The following ACBD3 variants were observed in gnomAD, a reference collection of about 807,000 sequenced individuals.
ACBD3 encodes Golgi resident protein GCP60.
ACBD3 carries 30 observed loss-of-function variants against 66.9 expected under a neutral mutation model. The ratio of observed to expected loss-of-function variants is 0.45; its 90% CI spans 0.34 to 0.61. ACBD3 has a LOEUF of 0.61. Ranked by LOEUF, ACBD3 falls within the 20% of genes least tolerant of loss-of-function variation. The probability of loss-of-function intolerance (pLI) is 0.02; values close to 1 mark genes in which losing one functional copy is unlikely to be tolerated. For synonymous variants in ACBD3, 278 were observed against 259.8 expected (o/e 1.07, Z -0.68); for missense variants, 544 against 664.5 (o/e 0.82, Z 1.99).
Position 226,186,707 on chromosome 1 carries a change from G to A in ACBD3, c.-32C>T, listed in dbSNP as rs1235926332. 6.9e-7 allele frequency: 1 copy of A among 1,453,090 alleles called. No individual in the cohort carries two copies. Among genetic ancestry groups the A allele is most frequent in the South Asian group, 1.3e-5 (1 of 74,774 alleles). 90.0% of individuals were successfully genotyped at this position (1,453,090 alleles called of 1,614,324 possible). On this transcript the variant is annotated 5_prime_UTR_variant, in exon 1 of 8. Transcript: ENST00000366812. Reference sequence around the variant, plus strand: ...CTGCTGCACCTCCTCAGCGGGGACAGACGGCAGCCACGTATCGACTTCCTG... The same window carrying A: ...CTGCTGCACCTCCTCAGCGGGGACAAACGGCAGCCACGTATCGACTTCCTG...
rs1170130229 is a variant in ACBD3, at chr1:226,149,529, C to CTTTTTTTTTTTTTTTTTTTTT, written c.1376-2729_1376-2709dup. Among the ~76,000 whole-genome samples, 6 of 29,612 alleles carry CTTTTTTTTTTTTTTTTTTTTT rather than the reference C, an allele frequency of 2.0e-4. 3 individuals carry two copies. Among genetic ancestry groups the CTTTTTTTTTTTTTTTTTTTTT allele is most frequent in the Non-Finnish European group, 2.2e-4 (4 of 17,932 alleles). The allele number at this position is 29,612 out of a possible 152,430, so 19.4% of individuals were successfully genotyped here. On this transcript the variant is annotated intron_variant, in intron 7 of 7. Coordinates refer to ENST00000366812, the MANE Select transcript of ACBD3 (RefSeq NM_022735.4). Reference sequence around the variant, plus strand: ...GGTGTCAGCCACTGCGCCCAGCCATCTTTTTTTTTTTTTTTTTTTTTTTTT... The same window carrying CTTTTTTTTTTTTTTTTTTTTT: ...GGTGTCAGCCACTGCGCCCAGCCATCTTTTTTTTTTTTTTTTTTTTTTTTTTTTTTTTTTTTTTTTTTTTTT...
In ACBD3 at chr1:226,145,545, C is replaced by A. The variant is rs1659431031; in HGVS notation, c.*1065G>T. On this transcript the variant is annotated 3_prime_UTR_variant, in exon 8 of 8. Coordinates refer to ENST00000366812, the MANE Select transcript of ACBD3 (RefSeq NM_022735.4). ...TCTTCCCGTCAATAAAGAAATAACA[C>A]AAATTAAAGCTATAAAATTTAAGCA... is the stretch of plus-strand genomic sequence containing the variant. 6.6e-6 allele frequency: 1 copy of A among 152,528 alleles called. No individual in the cohort carries two copies. Among genetic ancestry groups the A allele is most frequent in the African/African-American group, 2.4e-5 (1 of 41,434 alleles). 9.4% of individuals were successfully genotyped at this position (152,528 alleles called of 1,614,324 possible).
chr1:226,159,129 T>A, intron 5 of ACBD3, 55 bp downstream of exon 5: 4 of 1,577,350 alleles, frequency 2.5e-6, no homozygotes, highest in Non-Finnish European at 2.6e-6. Context: ...GAACTTGGGT[T>A]CCAATGAAAC....
intron 5 of ACBD3, 43 bp from the exon 6 acceptor site, chr1:226,154,876 T>C: frequency 6.5e-7 from 1 of 1,534,690 alleles, no homozygotes; most frequent in Non-Finnish European, 8.8e-7. Flanking sequence ...CCAGGAAGGC[T>C]AGCAAATAAG....
chr1:226,146,061 C>G lies in ACBD3; in HGVS notation c.*549G>C, dbSNP rs1659443197. On this transcript the variant is annotated 3_prime_UTR_variant, in exon 8 of 8. Transcript: ENST00000366812. ...TAACTCTGAACTAAACAGCTGCACC[C>G]AAAGCAGAAACAATCTGGGTCATTC... The G allele has an allele frequency of 6.5e-6, 1 of 152,966 alleles. No homozygotes were observed. Among genetic ancestry groups the G allele is most frequent in the African/African-American group, 2.4e-5 (1 of 41,410 alleles). The allele number at this position is 152,966 out of a possible 1,614,324, so 9.5% of individuals were successfully genotyped here.
Position 226,186,714 on chromosome 1 carries a change from G to C in ACBD3, c.-39C>G. Reference sequence around the variant, plus strand: ...ACCTCCTCAGCGGGGACAGACGGCAGCCACGTATCGACTTCCTGCTGACCT... The same window carrying C: ...ACCTCCTCAGCGGGGACAGACGGCACCCACGTATCGACTTCCTGCTGACCT... On this transcript the variant is annotated 5_prime_UTR_variant, in exon 1 of 8. Coordinates refer to ENST00000366812, the MANE Select transcript of ACBD3 (RefSeq NM_022735.4). 2 of 1,440,348 alleles carry C rather than the reference G, an allele frequency of 1.4e-6. No individual in the cohort carries two copies. The highest frequency in any genetic ancestry group is 1.8e-6 in the Non-Finnish European group (2 of 1,100,854). The allele number at this position is 1,440,348 out of a possible 1,614,324, so 89.2% of individuals were successfully genotyped here.
intron 1 of ACBD3, among the ~76,000 whole-genome samples, chr1:226,174,347 A>G (rs192244740): frequency 6.6e-6 from 1 of 152,310 alleles, no homozygotes; most frequent in East Asian, 1.9e-4. Context: ...ACCAAACACA[A>G]ATTCTGCTTG....
chr1:226,170,020 C>CAAAA (rs771896387), intron 1 of ACBD3, among the ~76,000 whole-genome samples: 38 of 74,842 alleles, frequency 5.1e-4, no homozygotes, highest in East Asian at 1.2e-3. Context: ...GATTCCATCT[C>CAAAA]AAAAAAAAAA....
In ACBD3 at chr1:226,186,685, C is replaced by T. The variant is rs374813325; in HGVS notation, c.-10G>A. ...TCAGCACCGCCGCCATCTCCGGCTG[C>T]TGCACCTCCTCAGCGGGGACAGACG... On this transcript the variant is annotated 5_prime_UTR_variant, in exon 1 of 8. Coordinates refer to ENST00000366812, the MANE Select transcript of ACBD3 (RefSeq NM_022735.4). 1 of 1,488,464 alleles carries T rather than the reference C, an allele frequency of 6.7e-7. No individual in the cohort carries two copies. The highest frequency in any genetic ancestry group is 8.9e-7 in the Non-Finnish European group (1 of 1,124,482). 92.2% of individuals were successfully genotyped at this position (1,488,464 alleles called of 1,614,324 possible). A position where few individuals can be genotyped will look rare whatever the true frequency, so the allele number is the denominator to read the frequency against.
chr1:226,186,573 G>A lies in ACBD3; in HGVS notation c.103C>T (p.Leu35=), dbSNP rs1656322348. 3 of 1,366,624 alleles carry A rather than the reference G, an allele frequency of 2.2e-6. No homozygotes were observed. Among genetic ancestry groups the A allele is most frequent in the Admixed American group, 7.1e-5 (2 of 28,340 alleles). The allele number at this position is 1,366,624 out of a possible 1,614,324, so 84.7% of individuals were successfully genotyped here. A position where few individuals can be genotyped will look rare whatever the true frequency, so the allele number is the denominator to read the frequency against. Residue 35 remains leucine, a synonymous_variant, in exon 1 of 8, where the codon CTG becomes TTG. Transcript: ENST00000366812. ...ERPGAEGAPL[L]PPPLPPPSPP... is the part of the protein sequence containing the mutation. ...GAGGGCGGTGGCAGCGGTGGCGGCA[G>A]CAGCGGGGCGCCCTCCGCCCCAGGC...
chr1:226,178,496 A>T (rs1656098399), intron 1 of ACBD3, among the ~76,000 whole-genome samples: 1 of 140,330 alleles, frequency 7.1e-6, no homozygotes, highest in African/African-American at 2.7e-5. Flanking sequence ...AATGGCGTGA[A>T]CCCGGGAGGC....
intron 5 of ACBD3, among the ~76,000 whole-genome samples, chr1:226,157,314 A>C (rs1659693820): frequency 6.6e-6 from 1 of 150,594 alleles, no homozygotes; most frequent in South Asian, 2.1e-4. Flanking sequence ...ATCTTGGCTC[A>C]CCGAAACCTC....
chr1:226,186,503 G>A lies in ACBD3; in HGVS notation c.173C>T (p.Pro58Leu), dbSNP rs1028156367. Reference sequence around the variant, plus strand: ...CCCAGCCGCCGCCTCCCCGGGCTCGGGCTGCTCCCCTGAGGCGCCCGGGCC... The same window carrying A: ...CCCAGCCGCCGCCTCCCCGGGCTCGAGCTGCTCCCCTGAGGCGCCCGGGCC... ...GRGPGASGEQPEPGEAAAGGA... is the reference protein window; with the variant it reads ...GRGPGASGEQLEPGEAAAGGA... The change falls in exon 1 of 8, where the codon CCC (proline) becomes CTC (leucine). Residue 58 changes from proline (P) to leucine (L), a missense_variant. Physicochemically the swap from Pro to Leu is moderately conservative, Grantham distance 98 (BLOSUM62 -3). Coordinates refer to ENST00000366812, the MANE Select transcript of ACBD3 (RefSeq NM_022735.4). The A allele has an allele frequency of 2.0e-6, 3 of 1,474,206 alleles. No individual in the cohort carries two copies. Among genetic ancestry groups the A allele is most frequent in the African/African-American group, 2.9e-5 (2 of 68,082 alleles). 91.3% of individuals were successfully genotyped at this position (1,474,206 alleles called of 1,614,324 possible). A position where few individuals can be genotyped will look rare whatever the true frequency, so the allele number is the denominator to read the frequency against.
intron 2 of ACBD3, 152 bp downstream of exon 2, chr1:226,165,707 A>C (rs1576235763): frequency 1.4e-6 from 1 of 739,666 alleles, no homozygotes; most frequent in Non-Finnish European, 2.0e-6. Flanking sequence ...CTAAAAACAG[A>C]TAAATATCTG....
intron 1 of ACBD3, among the ~76,000 whole-genome samples, chr1:226,175,116 G>T (rs1009478526): frequency 1.4e-5 from 2 of 139,476 alleles, no homozygotes; most frequent in Non-Finnish European, 3.1e-5. Context: ...AAAAAAGAAA[G>T]AAAAAGAAAA....
At chr1:226,153,327 G>A (rs958198066) in intron 6 of ACBD3, among the ~76,000 whole-genome samples, 1 of 152,198 alleles carries the variant, frequency 6.6e-6, no homozygotes, top group Non-Finnish European at 1.5e-5. Flanking sequence ...AGCCTTTTCT[G>A]AAGCAATTAT....
intron 5 of ACBD3, among the ~76,000 whole-genome samples, chr1:226,157,328 C>A (rs777926441): frequency 6.6e-5 from 10 of 152,158 alleles, no homozygotes; most frequent in South Asian, 2.1e-4. Flanking sequence ...AAACCTCCCC[C>A]TCCTGGGTTC....
At chr1:226,155,366 G>A (rs925675647) in intron 5 of ACBD3, among the ~76,000 whole-genome samples, 3 of 149,438 alleles carry the variant, frequency 2.0e-5, no homozygotes, top group Non-Finnish European at 1.5e-5. Flanking sequence ...GCAGTGACCT[G>A]AGATCGTGCC....
chr1:226,157,509 G>A (rs1036101752), intron 5 of ACBD3, among the ~76,000 whole-genome samples: 1 of 152,092 alleles, frequency 6.6e-6, no homozygotes, highest in Non-Finnish European at 1.5e-5. Context: ...AAAGTGCTGG[G>A]ATTACAGGCA....
Sources: allele counts gnomAD v4.1 joint callset (sites outside exome capture counted in the v4.1 genomes callset), GRCh38; gene constraint gnomAD v4.1.1; transcripts MANE v1.5; gene names NCBI Gene and HGNC (gene_info 2026-07-23, HGNC 2026-07-21).